The following TERF2 variants were observed in gnomAD, a reference collection of about 807,000 sequenced individuals.
TERF2 encodes the protein telomeric repeat binding factor 2, also known as telomeric repeat-binding factor 2.
Under a neutral mutation model 56.1 loss-of-function variants are expected in TERF2, and 16 were observed. That is an observed-to-expected ratio of 0.29 (90% CI 0.19 to 0.43). The LOEUF (loss-of-function observed/expected upper bound fraction) is 0.43. Ranked by LOEUF, TERF2 falls within the 20% of genes least tolerant of loss-of-function variation. TERF2 has a pLI of 1.00. For missense variants in TERF2, 547 were observed against 712.9 expected, an observed-to-expected ratio of 0.77 and a Z score of 2.65; for synonymous variants, 296 against 282.1, an observed-to-expected ratio of 1.05 and a Z score of -0.50.
intron 7 of TERF2, 96 bp downstream of exon 7, chr16:69,366,711 A>T: frequency 6.9e-7 from 1 of 1,448,740 alleles, no homozygotes; most frequent in East Asian, 2.3e-5. Flanking sequence ...GGTGGTGAGT[A>T]ACTTAGCTGA....
At chr16:69,372,222 C>T (rs1400873993) in intron 4 of TERF2, 47 bp downstream of exon 4, 4 of 1,359,152 alleles carry the variant, frequency 2.9e-6, no homozygotes, top group Non-Finnish European at 4.1e-6. Context: ...CCACAAAAAG[C>T]AATGAGATGA....
At chr16:69,357,145 A>T in intron 9 of TERF2, 89 bp from the exon 10 acceptor site, 1 of 1,404,436 alleles carries the variant, frequency 7.1e-7, no homozygotes, top group South Asian at 1.4e-5. Flanking sequence ...AAACTCAAGA[A>T]TCCCAGGAGA....
intron 3 of TERF2, among the ~76,000 whole-genome samples, chr16:69,383,262 T>C (rs2014071049): frequency 6.6e-6 from 1 of 152,184 alleles, no homozygotes; most frequent in African/African-American, 2.4e-5. Context: ...AAGTTTCAGA[T>C]TTGAGGGCAT....
At chr16:69,368,348 C>G in intron 6 of TERF2, 28 bp downstream of exon 6, 18 of 1,608,672 alleles carry the variant, frequency 1.1e-5, no homozygotes, top group Non-Finnish European at 1.5e-5. Flanking sequence ...AGTGTTTTAC[C>G]CAAGATCACA....
At chr16:69,378,093 A>G (rs1248728670) in intron 3 of TERF2, among the ~76,000 whole-genome samples, 2 of 152,120 alleles carry the variant, frequency 1.3e-5, no homozygotes, top group African/African-American at 2.4e-5. Flanking sequence ...TAGTTTGCTG[A>G]GTGTTTTTAT....
chr16:69,379,186 G>A (rs1215244205), intron 3 of TERF2, among the ~76,000 whole-genome samples: 3 of 152,190 alleles, frequency 2.0e-5, no homozygotes. Flanking sequence ...AGGAAGAGAA[G>A]AAGACCAAAC....
In TERF2 at chr16:69,356,841, CA is replaced by C; in HGVS notation, c.*56del. 2 of 1,463,206 alleles carry C rather than the reference CA, an allele frequency of 1.4e-6. No individual in the cohort carries two copies. Among genetic ancestry groups the C allele is most frequent in the South Asian group, 2.7e-5 (2 of 75,028 alleles). The allele number at this position is 1,463,206 out of a possible 1,614,324, so 90.6% of individuals were successfully genotyped here. A position where few individuals can be genotyped will look rare whatever the true frequency, so the allele number is the denominator to read the frequency against. Reference sequence around the variant, plus strand: ...GAAAAAGAAAGAAAGAGCAGACTATCAGGGGCTATTATTAGGAACCATGCTC... The same window carrying C: ...GAAAAAGAAAGAAAGAGCAGACTATCGGGGCTATTATTAGGAACCATGCTC... On this transcript the variant is annotated 3_prime_UTR_variant, in exon 10 of 10. Coordinates refer to ENST00000254942, the MANE Select transcript of TERF2 (RefSeq NM_005652.5).
chr16:69,381,798 C>T (rs2014009619), intron 3 of TERF2, among the ~76,000 whole-genome samples: 1 of 152,166 alleles, frequency 6.6e-6, no homozygotes, highest in South Asian at 2.1e-4. Flanking sequence ...TCTATTTCAA[C>T]ACACAAAATC....
chr16:69,385,548 C>T (rs2014165783), intron 1 of TERF2, 45 bp downstream of exon 1: 5 of 1,562,990 alleles, frequency 3.2e-6, no homozygotes, highest in Non-Finnish European at 3.5e-6. Flanking sequence ...CCCCCGGACC[C>T]CCTTCCCCGG....
At chr16:69,365,558 CTG>C (rs1252867142) in intron 7 of TERF2, 3 of 152,466 alleles carry the variant, frequency 2.0e-5, no homozygotes, top group African/African-American at 7.2e-5. Context: ...GAGTCACACT[CTG>C]TTGCCCAGCC....
chr16:69,381,341 A>C (rs1288309801), intron 3 of TERF2, among the ~76,000 whole-genome samples: 1 of 152,168 alleles, frequency 6.6e-6, no homozygotes, highest in South Asian at 2.1e-4. Flanking sequence ...GTAATTTGTC[A>C]GTTGTTCTTC....
At chr16:69,360,858 A>G (rs2013113191) in intron 8 of TERF2, among the ~76,000 whole-genome samples, 1 of 152,112 alleles carries the variant, frequency 6.6e-6, no homozygotes, top group African/African-American at 2.4e-5. Flanking sequence ...CATAGGCGTT[A>G]TTAAAACAAA....
At chr16:69,370,930 G>T (rs565778585) in intron 4 of TERF2, among the ~76,000 whole-genome samples, 1 of 152,160 alleles carries the variant, frequency 6.6e-6, no homozygotes, top group East Asian at 1.9e-4. Flanking sequence ...ACATTAGTGT[G>T]TAGGATATGC....
rs774272022 is a variant in TERF2 at position 69,370,452 on chromosome 16, C to T, written c.840+31G>A. On this transcript the variant is annotated intron_variant, in intron 5 of 9. Transcript: ENST00000254942. ...TTCCCCGCACATCCTCAAGGGCACA[C>T]CATGGTTATGGGAGAAGGGCCAAGG... 5 of 1,608,576 alleles carry T rather than the reference C, an allele frequency of 3.1e-6. No homozygotes were observed. The South Asian group carries it at 3.3e-5, about 11-fold the overall frequency.
intron 3 of TERF2, among the ~76,000 whole-genome samples, chr16:69,384,105 T>C (rs2014099544): frequency 6.6e-6 from 1 of 152,128 alleles, no homozygotes; most frequent in Non-Finnish European, 1.5e-5. Context: ...TTTTGCTAGC[T>C]GGCTCATTAT....
intron 3 of TERF2, among the ~76,000 whole-genome samples, chr16:69,375,056 C>T (rs1441624746): frequency 6.6e-6 from 1 of 152,068 alleles, no homozygotes; most frequent in Non-Finnish European, 1.5e-5. Context: ...TGTATAAGGC[C>T]TTTAAGGTCC....
Position 69,357,067 on chromosome 16 carries a change from A to G in TERF2, c.1471-11T>C. The G allele has an allele frequency of 6.2e-7, 1 of 1,601,472 alleles. No homozygotes were observed. ...TTCTACAGTCCACTTCTGCAAAAGA[A>G]AACCAAAAGATTTATTACCACCTTT... On this transcript the variant is annotated splice_polypyrimidine_tract_variant and intron_variant, in intron 9 of 9. Coordinates refer to ENST00000254942, the MANE Select transcript of TERF2 (RefSeq NM_005652.5).
intron 3 of TERF2, among the ~76,000 whole-genome samples, chr16:69,382,218 C>T (rs554809178): frequency 4.1e-4 from 62 of 152,308 alleles, no homozygotes; most frequent in Admixed American, 2.0e-3. Flanking sequence ...TAACAAATAA[C>T]TTACTTGATA....
intron 3 of TERF2, among the ~76,000 whole-genome samples, chr16:69,378,013 C>T (rs1042545446): frequency 1.3e-5 from 2 of 152,154 alleles, no homozygotes; most frequent in Non-Finnish European, 2.9e-5. Flanking sequence ...CCAATTTTTA[C>T]CATTAAGAAT....
Sources: gnomAD v4.1 joint callset for allele counts (sites outside exome capture counted in the v4.1 genomes callset) on GRCh38, gnomAD v4.1.1 for gene constraint, MANE v1.5 for transcripts, NCBI Gene and HGNC (gene_info 2026-07-23, HGNC 2026-07-21) for gene names.